The following URB1 variants were observed in gnomAD, a reference collection of about 807,000 sequenced individuals.
The protein encoded by URB1 is nucleolar pre-ribosomal-associated protein 1.
A neutral mutation model predicts 242.3 loss-of-function variants in URB1; 197 were observed. That is an observed-to-expected ratio of 0.81 (90% CI 0.72 to 0.91). URB1 has a LOEUF of 0.91. Ranked by LOEUF, URB1 falls within the 40% of genes least tolerant of loss-of-function variation. The pLI, the probability that URB1 is intolerant of heterozygous loss-of-function variation, is 0.00. For synonymous variants in URB1, 1,153 were observed against 1,201.8 expected (o/e 0.96, Z 0.84); for missense variants, 2,721 against 2,860.5 (o/e 0.95, Z 1.11).
Position 32,314,865 on chromosome 21 carries a change from G to A in URB1, c.*53C>T. On this transcript the variant is annotated 3_prime_UTR_variant, in exon 39 of 39. Coordinates refer to ENST00000382751, the MANE Select transcript of URB1 (RefSeq NM_014825.3). ...GACTCAACCAAACTTCTAGAAGCTG[G>A]TGCTGTGCTCGAGGCTCTGGTCATC... 1 of 1,527,386 alleles carries A rather than the reference G, an allele frequency of 6.5e-7. No individual in the cohort carries two copies. Among genetic ancestry groups the A allele is most frequent in the African/African-American group, 1.4e-5 (1 of 72,634 alleles). 94.6% of individuals were successfully genotyped at this position (1,527,386 alleles called of 1,614,324 possible).
In URB1 at chr21:32,321,860, C is replaced by T. The variant is rs1455594324; in HGVS notation, c.5425G>A (p.Gly1809Ser). Residue 1809 changes from glycine to serine, a missense_variant, in exon 34 of 39, where the codon GGC (glycine) becomes AGC (serine). Physicochemically the swap from Gly to Ser is moderately conservative, Grantham distance 56. Transcript: ENST00000382751. The stretch of plus-strand genomic sequence containing the variant: ...AAGGACAGGATGATGTGGAAGATGC[C>T]ACGCCGGGCACACAGTTCGTAGCAC... ...KQCYELCARR[G>S]IFHIILSFFH... is the part of the protein sequence containing the mutation. The T allele has an allele frequency of 1.3e-6, 2 of 1,551,604 alleles. No homozygotes were observed.
At chr21:32,377,148 T>C in intron 5 of URB1, 1 of 515,408 alleles carries the variant, frequency 1.9e-6, no homozygotes, top group Non-Finnish European at 3.9e-6. Context: ...AATTGCAGGA[T>C]CAAGTATCTT....
chr21:32,318,738 G>T (rs2032724436), intron 36 of URB1, among the ~76,000 whole-genome samples: 1 of 152,156 alleles, frequency 6.6e-6, no homozygotes, highest in African/African-American at 2.4e-5. Flanking sequence ...TGACTCCAAG[G>T]GATCGGAGGA....
At chr21:32,334,020 G>T in intron 29 of URB1, 143 bp downstream of exon 29, 1 of 1,078,490 alleles carries the variant, frequency 9.3e-7, no homozygotes, top group Non-Finnish European at 1.3e-6. Flanking sequence ...GCTTATGAGG[G>T]TCTGGTCTCT....
Position 32,363,204 on chromosome 21 carries a change from A to T in URB1, c.1461T>A (p.Ala487=). The T allele has an allele frequency of 1.3e-6, 2 of 1,552,120 alleles. No individual in the cohort carries two copies. The highest frequency in any genetic ancestry group is 1.7e-6 in the Non-Finnish European group (2 of 1,147,090). The change falls in exon 11 of 39, where the codon GCT becomes GCA. Residue 487 remains alanine (A), a synonymous_variant. Coordinates refer to ENST00000382751, the MANE Select transcript of URB1 (RefSeq NM_014825.3). ...EVWQESGVYT[A]VMMEEFVQLF... ...GCTGCACGAATTCTTCCATCATCAC[A>T]GCTGTGTACACGCCTGATTCCTGCC...
chr21:32,362,795 G>C (rs533205857), intron 11 of URB1, among the ~76,000 whole-genome samples: 146 of 152,132 alleles, frequency 9.6e-4, no homozygotes, highest in Non-Finnish European at 1.8e-3. Context: ...CTATGTGTGT[G>C]CCTGCAGCCA....
chr21:32,316,990 C>T lies in URB1; in HGVS notation c.6110G>A (p.Gly2037Glu), dbSNP rs377201075. 7.7e-5 allele frequency: 120 copies of T among 1,551,578 alleles called. No homozygotes were observed. The highest frequency in any genetic ancestry group is 5.0e-4 in the Middle Eastern group (3 of 5,982). Residue 2037 changes from glycine to glutamate, a missense_variant, in exon 38 of 39, where the codon GGG becomes GAG. Physicochemically the swap from Gly to Glu is moderately conservative, Grantham distance 98 (BLOSUM62 -2). Transcript: ENST00000382751. The part of the protein sequence containing the change: ...KGPRGRKRRP[G>E]EAEEMADPEL... ...AGGGTCAGCCATCTCCTCTGCCTCC[C>T]CAGGCCTCCTCTTTCGGCCCCGTGG...
At chr21:32,316,238 C>G (rs1436418089) in intron 38 of URB1, among the ~76,000 whole-genome samples, 1 of 152,204 alleles carries the variant, frequency 6.6e-6, no homozygotes, top group Non-Finnish European at 1.5e-5. Context: ...TAACCAGCAC[C>G]AAAGGTTTCC....
intron 24 of URB1, among the ~76,000 whole-genome samples, chr21:32,343,409 G>A (rs902183068): frequency 1.3e-5 from 2 of 152,124 alleles, no homozygotes; most frequent in East Asian, 3.9e-4. Context: ...GAAGTGAAAC[G>A]CATCACAGTT....
At chr21:32,372,385 A>G in intron 8 of URB1, 122 bp downstream of exon 8, 2 of 1,318,026 alleles carry the variant, frequency 1.5e-6, no homozygotes, top group Non-Finnish European at 1.0e-6. Flanking sequence ...CAACCCTGAA[A>G]CGAGTTAGAT....
At chr21:32,383,057 G>A (rs964488093) in intron 4 of URB1, among the ~76,000 whole-genome samples, 1 of 152,220 alleles carries the variant, frequency 6.6e-6, no homozygotes, top group African/African-American at 2.4e-5. Context: ...AACAGGAACA[G>A]AGGACTGGCA....
chr21:32,311,447 G>A lies in URB1; in HGVS notation c.*3471C>T. 3.0e-5 allele frequency: 6 copies of A among 197,718 alleles called. No individual in the cohort carries two copies. The highest frequency in any genetic ancestry group is 2.8e-4 in the South Asian group (2 of 7,128). The allele number at this position is 197,718 out of a possible 1,614,324, so 12.2% of individuals were successfully genotyped here. ...CCATCCTAAATCAATGTAGGAAGAA[G>A]TGGCCTCCAGGGAAAGACCTGAGGC... On this transcript the variant is annotated 3_prime_UTR_variant, in exon 39 of 39. Transcript: ENST00000382751.
chr21:32,322,554 A>G lies in URB1; in HGVS notation c.5264T>C (p.Phe1755Ser), dbSNP rs1430808907. Reference protein sequence around the residue: ...EEHMYLKVSNFLLSHEYLNMD... With the variant: ...EEHMYLKVSNSLLSHEYLNMD... ...GTTCAAGTACTCATGCGACAGCAGG[A>G]AGTTGCTGACCTTCAGGTACATGTG... is the stretch of plus-strand genomic sequence containing the variant. The change falls in exon 33 of 39, where the codon TTC becomes TCC. Residue 1755 changes from phenylalanine to serine, a missense_variant. Physicochemically the swap from Phe to Ser is radical, Grantham distance 155. Transcript: ENST00000382751. 2 of 1,551,954 alleles carry G rather than the reference A, an allele frequency of 1.3e-6. No homozygotes were observed. The highest frequency in any genetic ancestry group is 4.9e-5 in the East Asian group (2 of 40,938).
chr21:32,325,169 C>T, intron 31 of URB1, 60 bp downstream of exon 31: 1 of 1,497,106 alleles, frequency 6.7e-7, no homozygotes, highest in Non-Finnish European at 9.0e-7. Flanking sequence ...GGTGGACAGC[C>T]AGCTCTCTGA....
chr21:32,354,748 T>C (rs2033199144), intron 17 of URB1, 111 bp downstream of exon 17: 1 of 1,354,892 alleles, frequency 7.4e-7, no homozygotes, highest in African/African-American at 1.5e-5. Flanking sequence ...GCAAAGGGAC[T>C]GTGTGCACTT....
chr21:32,385,382 G>T (rs1009887911), intron 2 of URB1, among the ~76,000 whole-genome samples, 163 bp downstream of exon 2: 1 of 152,194 alleles, frequency 6.6e-6, no homozygotes, highest in Admixed American at 6.5e-5. Context: ...ATGCTTTCAA[G>T]GTCATGGAGG....
At chr21:32,354,165 A>T in intron 17 of URB1, 62 bp from the exon 18 acceptor site, 2 of 1,528,782 alleles carry the variant, frequency 1.3e-6, no homozygotes, top group East Asian at 5.0e-5. Flanking sequence ...CACTGCAAAT[A>T]CCCACAGGGA....
chr21:32,333,607 CGTAATAT>C (rs928356228), intron 29 of URB1, among the ~76,000 whole-genome samples, 188 bp from the exon 30 acceptor site: 7 of 152,120 alleles, frequency 4.6e-5, no homozygotes, highest in Admixed American at 2.0e-4. Context: ...TTCATATGCA[CGTAATAT>C]ACATAGCATG....
chr21:32,354,864 A>G lies in URB1; in HGVS notation c.2240T>C (p.Ile747Thr). 1 of 1,552,328 alleles carries G rather than the reference A, an allele frequency of 6.4e-7. No homozygotes were observed. The highest frequency in any genetic ancestry group is 8.7e-7 in the Non-Finnish European group (1 of 1,147,110). Residue 747 changes from isoleucine to threonine, a missense_variant, in exon 17 of 39, where the codon ATT becomes ACT. By Grantham distance (89) the Ile-to-Thr change is moderately conservative (BLOSUM62 -1). Coordinates refer to ENST00000382751, the MANE Select transcript of URB1 (RefSeq NM_014825.3). Reference protein sequence around the residue: ...ADDMSIPISHIDDVLDMVDVL... With the variant: ...ADDMSIPISHTDDVLDMVDVL... ...CAGAACAGAATGGAACATACCGTCA[A>G]TGTGGGAGATGGGAATGCTCATGTC...
Sources: gnomAD v4.1 joint callset for allele counts (sites outside exome capture counted in the v4.1 genomes callset) on GRCh38, gnomAD v4.1.1 for gene constraint, MANE v1.5 for transcripts, NCBI Gene and HGNC (gene_info 2026-07-23, HGNC 2026-07-21) for gene names.